The following TECRL variants were observed in gnomAD, a reference collection of about 807,000 sequenced individuals.
The protein encoded by TECRL is trans-2,3-enoyl-CoA reductase like, also known as trans-2,3-enoyl-CoA reductase-like.
Under a neutral mutation model 52.8 loss-of-function variants are expected in TECRL, and 63 were observed. The observed-to-expected ratio is 1.19, with a 90% CI of 0.97 to 1.47. The LOEUF (loss-of-function observed/expected upper bound fraction) is 1.47. TECRL is among the 40% of genes most tolerant of loss of function. TECRL has a pLI of 0.00. For missense variants in TECRL, 482 were observed against 429.6 expected, an observed-to-expected ratio of 1.12 and a Z score of -1.08; for synonymous variants, 164 against 141.9, an observed-to-expected ratio of 1.16 and a Z score of -1.10.
chr4:64,291,159 G>C (rs1723361547), intron 8 of TECRL, among the ~76,000 whole-genome samples: 1 of 151,942 alleles, frequency 6.6e-6, no homozygotes, highest in Admixed American at 6.6e-5. Flanking sequence ...TCACCTAAAT[G>C]CAAATATTAA....
intron 3 of TECRL, among the ~76,000 whole-genome samples, chr4:64,325,579 C>A (rs1012256605): frequency 6.6e-6 from 1 of 151,990 alleles, no homozygotes; most frequent in African/African-American, 2.4e-5. Context: ...CATAGCAATA[C>A]AAAACTTTCA....
intron 7 of TECRL, among the ~76,000 whole-genome samples, chr4:64,304,569 G>A (rs528158457): frequency 2.0e-5 from 3 of 152,138 alleles, no homozygotes; most frequent in South Asian, 2.1e-4. Flanking sequence ...TGTGCCTTAT[G>A]TGCTACAGTA....
intron 9 of TECRL, among the ~76,000 whole-genome samples, chr4:64,282,014 T>A (rs1490909245): frequency 2.0e-5 from 3 of 151,896 alleles, no homozygotes; most frequent in Non-Finnish European, 4.4e-5. Flanking sequence ...TTGGTGAAAG[T>A]CATAAGGAAT....
intron 6 of TECRL, among the ~76,000 whole-genome samples, chr4:64,306,038 G>A (rs1724316871): frequency 6.6e-6 from 1 of 152,142 alleles, no homozygotes; most frequent in South Asian, 2.1e-4. Context: ...GGAATAAGGA[G>A]ACTGCAACAT....
intron 2 of TECRL, among the ~76,000 whole-genome samples, chr4:64,368,698 T>G (rs1162281151): frequency 1.3e-5 from 2 of 152,122 alleles, no homozygotes; most frequent in African/African-American, 4.8e-5. Context: ...TGCCACTTTT[T>G]TCATTGGGTG....
At chr4:64,329,241 G>A (rs1018386065) in intron 2 of TECRL, among the ~76,000 whole-genome samples, 1 of 151,790 alleles carries the variant, frequency 6.6e-6, no homozygotes, top group African/African-American at 2.4e-5. Flanking sequence ...TCGTTTTAAA[G>A]TCTCCATTAA....
intron 4 of TECRL, among the ~76,000 whole-genome samples, chr4:64,318,418 T>G (rs190721145): frequency 4.7e-4 from 71 of 152,164 alleles, no homozygotes; most frequent in Non-Finnish European, 1.9e-4. Flanking sequence ...CAAGAAATAG[T>G]TGAATAGATA....
At chr4:64,303,377 G>A (rs1724132464) in intron 7 of TECRL, among the ~76,000 whole-genome samples, 1 of 151,562 alleles carries the variant, frequency 6.6e-6, no homozygotes, top group Non-Finnish European at 1.5e-5. Context: ...CTACTACCTG[G>A]ATCAAAACTC....
chr4:64,375,890 T>C (rs138681370), intron 1 of TECRL, among the ~76,000 whole-genome samples: 5 of 152,048 alleles, frequency 3.3e-5, no homozygotes, highest in East Asian at 1.9e-4. Flanking sequence ...TAAAGTTCCA[T>C]GCAAATACTT....
At chr4:64,362,160 G>T (rs34419849) in intron 2 of TECRL, among the ~76,000 whole-genome samples, 1,641 of 152,078 alleles carry the variant, frequency 0.011, 8 homozygotes, top group African/African-American at 0.017. Context: ...TAAAGAAAAA[G>T]AATTTTTAAA....
chr4:64,393,549 G>T (rs1180572490), intron 1 of TECRL, among the ~76,000 whole-genome samples: 1 of 151,708 alleles, frequency 6.6e-6, no homozygotes, highest in East Asian at 1.9e-4. Context: ...GCCTTCCTAA[G>T]GACATTAAAA....
intron 2 of TECRL, among the ~76,000 whole-genome samples, chr4:64,341,433 C>G (rs1218532659): frequency 6.6e-6 from 1 of 152,064 alleles, no homozygotes; most frequent in African/African-American, 2.4e-5. Context: ...AAACCCATCT[C>G]TACTAAAAAT....
At chr4:64,312,278 G>A (rs1717070802) in intron 5 of TECRL, among the ~76,000 whole-genome samples, 1 of 152,214 alleles carries the variant, frequency 6.6e-6, no homozygotes, top group East Asian at 1.9e-4. Flanking sequence ...GGTGACAGAA[G>A]CCCTGTGATT....
chr4:64,384,001 C>G (rs1159515323), intron 1 of TECRL, among the ~76,000 whole-genome samples: 2 of 151,944 alleles, frequency 1.3e-5, no homozygotes, highest in Non-Finnish European at 2.9e-5. Flanking sequence ...TAATCAGCAT[C>G]CGTATTGTCT....
At chr4:64,305,668 T>C (rs1369337196) in intron 6 of TECRL, among the ~76,000 whole-genome samples, 1 of 152,162 alleles carries the variant, frequency 6.6e-6, no homozygotes, top group Non-Finnish European at 1.5e-5. Flanking sequence ...CCTGACCACA[T>C]TATAATGCTA....
chr4:64,350,870 G>T (rs1045624640), intron 2 of TECRL, among the ~76,000 whole-genome samples: 1 of 151,432 alleles, frequency 6.6e-6, no homozygotes, highest in African/African-American at 2.4e-5. Context: ...TGGTAATATA[G>T]TCAAGTTGTG....
chr4:64,350,509 A>C (rs13149174), intron 2 of TECRL, among the ~76,000 whole-genome samples: 102,117 of 151,932 alleles, frequency 0.67, 35,451 homozygotes, highest in Non-Finnish European at 0.76. Context: ...TGAGATTAAC[A>C]TTTTATTATA....
chr4:64,336,719 A>C (rs1719116135), intron 2 of TECRL, among the ~76,000 whole-genome samples: 1 of 152,080 alleles, frequency 6.6e-6, no homozygotes, highest in South Asian at 2.1e-4. Context: ...CTTTGTTCTC[A>C]CTGGTTTCAA....
intron 2 of TECRL, among the ~76,000 whole-genome samples, chr4:64,355,246 T>C (rs945106350): frequency 6.6e-6 from 1 of 152,068 alleles, no homozygotes; most frequent in Non-Finnish European, 1.5e-5. Context: ...TTTATGTGAG[T>C]GAAAACTTAA....
Sources: allele counts gnomAD v4.1 joint callset (sites outside exome capture counted in the v4.1 genomes callset), GRCh38; gene constraint gnomAD v4.1.1; transcripts MANE v1.5; gene names NCBI Gene and HGNC (gene_info 2026-07-23, HGNC 2026-07-21).